CGAS: variants seen among roughly 807,000 people sequenced by gnomAD.
The protein encoded by CGAS is cyclic GMP-AMP synthase.
CGAS carries 31 observed loss-of-function variants against 34.0 expected under a neutral mutation model. The ratio of observed to expected loss-of-function variants is 0.91; its 90% CI spans 0.69 to 1.23. The LOEUF (loss-of-function observed/expected upper bound fraction) is 1.23. CGAS is among the 50% of genes most tolerant of loss of function. The pLI, the probability that CGAS is intolerant of heterozygous loss-of-function variation, is 0.00. For missense variants in CGAS, 597 were observed against 657.6 expected, an observed-to-expected ratio of 0.91 and a Z score of 1.01; for synonymous variants, 266 against 260.0, an observed-to-expected ratio of 1.02 and a Z score of -0.22.
At chr6:73,436,966 C>T (rs527352642) in intron 3 of CGAS, among the ~76,000 whole-genome samples, 7 of 151,580 alleles carry the variant, frequency 4.6e-5, no homozygotes, top group East Asian at 2.0e-4. Context: ...GCCTGGCCAG[C>T]GTGGTGAAAC....
chr6:73,439,019 T>C (rs1770328785), intron 3 of CGAS, among the ~76,000 whole-genome samples: 1 of 152,220 alleles, frequency 6.6e-6, no homozygotes, highest in South Asian at 2.1e-4. Flanking sequence ...ATGTATGCAA[T>C]ATATGAAGTT....
chr6:73,436,262 A>C (rs956401722), intron 3 of CGAS, among the ~76,000 whole-genome samples: 5 of 151,884 alleles, frequency 3.3e-5, no homozygotes, highest in African/African-American at 9.7e-5. Flanking sequence ...ACATTGGTAC[A>C]ATAAACCAAT....
rs1770061074 is a variant in CGAS at position 73,425,053 on chromosome 6, C to T, written c.*174G>A. Reference sequence around the variant, plus strand: ...ATTTTTAGTAGAGATGGAGTTTCACCATGTTGGTCAGGCTGGTCTCAAACT... The same window carrying T: ...ATTTTTAGTAGAGATGGAGTTTCACTATGTTGGTCAGGCTGGTCTCAAACT... On this transcript the variant is annotated 3_prime_UTR_variant, in exon 5 of 5. Coordinates refer to ENST00000370315, the MANE Select transcript of CGAS (RefSeq NM_138441.3). 1 of 445,878 alleles carries T rather than the reference C, an allele frequency of 2.2e-6. No individual in the cohort carries two copies. Among genetic ancestry groups the T allele is most frequent in the South Asian group, 2.8e-5 (1 of 36,112 alleles). The allele number at this position is 445,878 out of a possible 1,614,324, so 27.6% of individuals were successfully genotyped here. A position where few individuals can be genotyped will look rare whatever the true frequency, so the allele number is the denominator to read the frequency against.
rs1040233941 is a variant in CGAS, at chr6:73,424,523, T to C, written c.*704A>G. ...AACTTGATGAATTTAATTAAGGCAATATGTACTTTATCTTTTTTTATTCCA... is the reference window on the plus strand; with the variant it reads ...AACTTGATGAATTTAATTAAGGCAACATGTACTTTATCTTTTTTTATTCCA... On this transcript the variant is annotated 3_prime_UTR_variant, in exon 5 of 5. Transcript: ENST00000370315. The C allele has an allele frequency of 3.3e-5, 5 of 152,010 alleles. No individual in the cohort carries two copies. The highest frequency in any genetic ancestry group is 1.2e-4 in the African/African-American group (5 of 41,402). The allele number at this position is 152,010 out of a possible 1,614,324, so 9.4% of individuals were successfully genotyped here. A position where few individuals can be genotyped will look rare whatever the true frequency, so the allele number is the denominator to read the frequency against.
intron 4 of CGAS, 149 bp downstream of exon 4, chr6:73,428,560 T>C: frequency 1.6e-6 from 1 of 644,904 alleles, no homozygotes; most frequent in African/African-American, 1.8e-5. Flanking sequence ...GCTTCTCTGG[T>C]TTCATACTCA....
chr6:73,437,015 G>A (rs747288828), intron 3 of CGAS, among the ~76,000 whole-genome samples: 2 of 150,428 alleles, frequency 1.3e-5, no homozygotes, highest in East Asian at 4.0e-4. Flanking sequence ...GCCAGGCGTG[G>A]TGGCACACAC....
Position 73,440,459 on chromosome 6 carries a change from T to C in CGAS, c.878-14A>G, listed in dbSNP as rs759945195. The C allele has an allele frequency of 6.4e-7, 1 of 1,574,448 alleles. No homozygotes were observed. The highest frequency in any genetic ancestry group is 8.6e-7 in the Non-Finnish European group (1 of 1,157,230). On this transcript the variant is annotated splice_polypyrimidine_tract_variant and intron_variant, in intron 2 of 4. Coordinates refer to ENST00000370315, the MANE Select transcript of CGAS (RefSeq NM_138441.3). ...TGACATCTGTATCTGGTTGAACATATAAAAGAAAAGAAAGTATTTATTAAT... is the reference window on the plus strand; with the variant it reads ...TGACATCTGTATCTGGTTGAACATACAAAAGAAAAGAAAGTATTTATTAAT...
At chr6:73,428,568 TCA>T in intron 4 of CGAS, 139 bp downstream of exon 4, 6 of 671,274 alleles carry the variant, frequency 8.9e-6, no homozygotes, top group South Asian at 8.2e-5. Context: ...GGTTTCATAC[TCA>T]CACTCTCCCC....
At chr6:73,448,582 ATTT>A (rs1015597594) in intron 1 of CGAS, among the ~76,000 whole-genome samples, 1 of 151,468 alleles carries the variant, frequency 6.6e-6, no homozygotes, top group African/African-American at 2.4e-5. Flanking sequence ...TATTTTCGAG[ATTT>A]TTTTTTACCT....
chr6:73,428,281 G>A (rs541011092), intron 4 of CGAS, among the ~76,000 whole-genome samples: 1 of 151,850 alleles, frequency 6.6e-6, no homozygotes, highest in East Asian at 2.0e-4. Flanking sequence ...ATCCCTAGCC[G>A]TCAACACAAC....
chr6:73,438,427 G>C (rs888121998), intron 3 of CGAS, among the ~76,000 whole-genome samples: 12 of 152,310 alleles, frequency 7.9e-5, no homozygotes, highest in Admixed American at 2.0e-4. Flanking sequence ...GCTAGATGCA[G>C]TGGCTCACGC....
Position 73,424,079 on chromosome 6 carries a change from TAA to T in CGAS, c.*1146_*1147del, listed in dbSNP as rs959197470. The T allele has an allele frequency of 6.6e-6, 1 of 151,730 alleles. No homozygotes were observed. Among genetic ancestry groups the T allele is most frequent in the African/African-American group, 2.4e-5 (1 of 41,242 alleles). The allele number at this position is 151,730 out of a possible 1,614,324, so 9.4% of individuals were successfully genotyped here. On this transcript the variant is annotated 3_prime_UTR_variant, in exon 5 of 5. Transcript: ENST00000370315. ...GTAAAAATAAATAGATAACAGAAAA[TAA>T]GTTAGGTTTTACATTTAGTCACGTA...
intron 3 of CGAS, among the ~76,000 whole-genome samples, chr6:73,436,041 G>A (rs77771684): frequency 0.13 from 19,305 of 151,826 alleles, 1,578 homozygotes; most frequent in East Asian, 0.21. Context: ...TTACAGTGTC[G>A]TGCACCTGTA....
intron 1 of CGAS, among the ~76,000 whole-genome samples, chr6:73,450,041 G>GAC: frequency 1.4e-5 from 2 of 143,806 alleles, no homozygotes; most frequent in South Asian, 4.3e-4. Flanking sequence ...ACAAAATAAA[G>GAC]AGAGAGAGAG....
At chr6:73,426,822 G>C (rs1770097085) in intron 4 of CGAS, among the ~76,000 whole-genome samples, 1 of 150,918 alleles carries the variant, frequency 6.6e-6, no homozygotes, top group African/African-American at 2.4e-5. Context: ...AAACTATTTA[G>C]CCTTATCAAC....
intron 4 of CGAS, among the ~76,000 whole-genome samples, chr6:73,427,676 C>T (rs1441813786): frequency 1.3e-5 from 2 of 150,100 alleles, no homozygotes; most frequent in African/African-American, 4.9e-5. Flanking sequence ...TATGCCATCA[C>T]AAAAAAAAAT....
At chr6:73,448,178 G>T (rs1387676139) in intron 1 of CGAS, among the ~76,000 whole-genome samples, 2 of 152,110 alleles carry the variant, frequency 1.3e-5, no homozygotes, top group Non-Finnish European at 2.9e-5. Context: ...GATCACCTGA[G>T]GTCAGGAGTT....
chr6:73,450,289 C>A lies in CGAS; in HGVS notation c.657+1236G>T, dbSNP rs1770541818. Among the ~76,000 whole-genome samples, 3 of 151,752 alleles carry A rather than the reference C, an allele frequency of 2.0e-5. No individual in the cohort carries two copies. In the South Asian group the frequency reaches 6.2e-4, roughly 31 times the overall value. ...AAATTAGCCAGGGTGGAGGCTCATG[C>A]TTGTAATCCCATCTACTCAGGAGGC... On this transcript the variant is annotated intron_variant, in intron 1 of 4. Transcript: ENST00000370315.
At chr6:73,429,799 C>T (rs1371037184) in intron 3 of CGAS, among the ~76,000 whole-genome samples, 5 of 151,870 alleles carry the variant, frequency 3.3e-5, no homozygotes, top group Non-Finnish European at 5.9e-5. Flanking sequence ...GCACTCCAGC[C>T]TGGGCAACAG....
Sources: allele counts gnomAD v4.1 joint callset (sites outside exome capture counted in the v4.1 genomes callset), GRCh38; gene constraint gnomAD v4.1.1; transcripts MANE v1.5; gene names NCBI Gene and HGNC (gene_info 2026-07-23, HGNC 2026-07-21).